ST8SIA1: variants seen among roughly 807,000 people sequenced by gnomAD.
The protein encoded by ST8SIA1 is alpha-N-acetylneuraminide alpha-2,8-sialyltransferase.
A neutral mutation model predicts 35.9 loss-of-function variants in ST8SIA1; 16 were observed. That is an observed-to-expected ratio of 0.45 (90% CI 0.30 to 0.68). ST8SIA1 has a LOEUF of 0.68. Among genes scored for constraint, ST8SIA1 ranks in the 30% least tolerant of loss-of-function variants. The probability of loss-of-function intolerance (pLI) is 0.09; values close to 1 mark genes in which losing one functional copy is unlikely to be tolerated. For missense variants in ST8SIA1, 383 were observed against 453.6 expected, an observed-to-expected ratio of 0.84 and a Z score of 1.41; for synonymous variants, 170 against 169.6, an observed-to-expected ratio of 1.00 and a Z score of -0.02.
At chr12:22,290,179 C>T (rs186777308) in intron 1 of ST8SIA1, among the ~76,000 whole-genome samples, 9 of 152,272 alleles carry the variant, frequency 5.9e-5, no homozygotes, top group Admixed American at 5.2e-4. Context: ...GTTTTTCTGT[C>T]ATAAACTCTT....
At chr12:22,277,043 C>T (rs1006084797) in intron 2 of ST8SIA1, among the ~76,000 whole-genome samples, 5 of 152,134 alleles carry the variant, frequency 3.3e-5, no homozygotes, top group Non-Finnish European at 7.3e-5. Flanking sequence ...CTCAATCACC[C>T]CAGGGGAATG....
At chr12:22,252,288 C>T (rs1865680302) in intron 3 of ST8SIA1, among the ~76,000 whole-genome samples, 1 of 152,342 alleles carries the variant, frequency 6.6e-6, no homozygotes, top group Non-Finnish European at 1.5e-5. Flanking sequence ...ACACACCCTA[C>T]AGTCTAGGAC....
At chr12:22,324,103 T>C (rs970412515) in intron 1 of ST8SIA1, among the ~76,000 whole-genome samples, 2 of 152,268 alleles carry the variant, frequency 1.3e-5, no homozygotes, top group African/African-American at 4.8e-5. Flanking sequence ...ATAAAAATAG[T>C]AGATAAACTA....
chr12:22,309,677 A>G (rs2728821), intron 1 of ST8SIA1, among the ~76,000 whole-genome samples: 91,691 of 151,954 alleles, frequency 0.6, 28,702 homozygotes, highest in African/African-American at 0.76. Flanking sequence ...ATGCTTCCAA[A>G]CCTAGAAGAA....
At chr12:22,215,932 C>T (rs893374956) in intron 4 of ST8SIA1, among the ~76,000 whole-genome samples, 1 of 152,130 alleles carries the variant, frequency 6.6e-6, no homozygotes, top group East Asian at 1.9e-4. Flanking sequence ...GACTCTATAG[C>T]CCTAAGGGAA....
intron 3 of ST8SIA1, among the ~76,000 whole-genome samples, chr12:22,252,900 C>T (rs1003830994): frequency 5.7e-4 from 87 of 152,346 alleles, no homozygotes; most frequent in African/African-American, 2.0e-3. Context: ...AGTGTATTTA[C>T]ATTTCTACGT....
chr12:22,264,806 C>A (rs1207090065), intron 2 of ST8SIA1, among the ~76,000 whole-genome samples: 2 of 152,114 alleles, frequency 1.3e-5, no homozygotes, highest in Non-Finnish European at 2.9e-5. Flanking sequence ...TTCCAGAAAG[C>A]TGCTAAGATT....
chr12:22,215,503 G>C (rs931672826), intron 4 of ST8SIA1, among the ~76,000 whole-genome samples: 3 of 152,138 alleles, frequency 2.0e-5, no homozygotes, highest in African/African-American at 7.2e-5. Context: ...AGAATAAAGT[G>C]GGATAATAAG....
chr12:22,223,491 T>A (rs547818042), intron 4 of ST8SIA1: 1 of 997,504 alleles, frequency 1.0e-6, no homozygotes, highest in East Asian at 1.1e-4. Flanking sequence ...CCAGCTGTGA[T>A]GCTGGCGCAG....
chr12:22,251,220 A>G (rs1376034468), intron 3 of ST8SIA1, among the ~76,000 whole-genome samples: 4 of 152,218 alleles, frequency 2.6e-5, no homozygotes, highest in African/African-American at 9.7e-5. Flanking sequence ...CTAAAACTGT[A>G]AATTCTGAGT....
At position 22,251,142 on chromosome 12, in the gene ST8SIA1, T is replaced by C. The variant is rs373213631; in HGVS notation, c.492-2044A>G. Among the ~76,000 whole-genome samples the C allele has an allele frequency of 2.0e-5, 3 of 152,234 alleles. No individual in the cohort carries two copies. The East Asian group carries it at 5.8e-4, about 29-fold the overall frequency. ...GATAAAACACAGACTAAAATTTGGA[T>C]ACTTATCTCTTAAAGAAGCTTTGAT... On this transcript the variant is annotated intron_variant, in intron 3 of 4. Coordinates refer to ENST00000396037, the MANE Select transcript of ST8SIA1 (RefSeq NM_003034.4).
chr12:22,219,351 C>G (rs1178282475), intron 4 of ST8SIA1, among the ~76,000 whole-genome samples: 1 of 152,096 alleles, frequency 6.6e-6, no homozygotes, highest in Non-Finnish European at 1.5e-5. Flanking sequence ...TGGAATTTCC[C>G]TTTGTGTCAT....
At chr12:22,257,304 G>A (rs1240565649) in intron 2 of ST8SIA1, among the ~76,000 whole-genome samples, 5 of 151,670 alleles carry the variant, frequency 3.3e-5, no homozygotes, top group Admixed American at 6.6e-5. Context: ...TCCCACCTCC[G>A]GGATTCAAGC....
chr12:22,244,628 T>C (rs978219683), intron 4 of ST8SIA1, among the ~76,000 whole-genome samples: 1 of 152,060 alleles, frequency 6.6e-6, no homozygotes, highest in Non-Finnish European at 1.5e-5. Flanking sequence ...GGCTAACTTT[T>C]GTATTTTTTG....
At chr12:22,258,208 T>C (rs1865748689) in intron 2 of ST8SIA1, among the ~76,000 whole-genome samples, 1 of 152,134 alleles carries the variant, frequency 6.6e-6, no homozygotes, top group Admixed American at 6.5e-5. Flanking sequence ...AGACTTGCCA[T>C]TTACCAACAT....
intron 2 of ST8SIA1, among the ~76,000 whole-genome samples, chr12:22,276,091 C>T (rs961317462): frequency 6.6e-6 from 1 of 152,180 alleles, no homozygotes; most frequent in Non-Finnish European, 1.5e-5. Flanking sequence ...GGGGAGTGAT[C>T]TTTCCCTCAG....
chr12:22,304,532 A>T (rs910467945), intron 1 of ST8SIA1, among the ~76,000 whole-genome samples: 2 of 151,996 alleles, frequency 1.3e-5, no homozygotes, highest in Admixed American at 6.6e-5. Flanking sequence ...GTTTTTCCTT[A>T]TGGAATCCCA....
At chr12:22,252,088 C>G (rs1467987366) in intron 3 of ST8SIA1, among the ~76,000 whole-genome samples, 1 of 152,156 alleles carries the variant, frequency 6.6e-6, no homozygotes, top group African/African-American at 2.4e-5. Context: ...GGCTACAGAG[C>G]AAATGTTTAC....
chr12:22,319,151 C>T (rs1012207160), intron 1 of ST8SIA1, among the ~76,000 whole-genome samples: 4 of 152,060 alleles, frequency 2.6e-5, no homozygotes, highest in Non-Finnish European at 4.4e-5. Context: ...TTTGCATTTG[C>T]GAATGTTAAA....
Sources: gnomAD v4.1 joint callset for allele counts (sites outside exome capture counted in the v4.1 genomes callset) on GRCh38, gnomAD v4.1.1 for gene constraint, MANE v1.5 for transcripts, NCBI Gene and HGNC (gene_info 2026-07-23, HGNC 2026-07-21) for gene names.